ITGA1: variants seen among roughly 807,000 people sequenced by gnomAD.
ITGA1 encodes integrin subunit alpha 1, also known as integrin alpha-1.
A neutral mutation model predicts 145.9 loss-of-function variants in ITGA1; 85 were observed. The observed-to-expected ratio is 0.58, with a 90% CI of 0.49 to 0.70. ITGA1 has a LOEUF of 0.70. Among genes scored for constraint, ITGA1 ranks in the 30% least tolerant of loss-of-function variants. The pLI is 0.00. For missense variants in ITGA1, 1,351 were observed against 1,418.7 expected (o/e 0.95, Z 0.77); for synonymous variants, 520 against 495.3 (o/e 1.05, Z -0.66).
At chr5:52,932,829 T>C (rs2111890023) in intron 22 of ITGA1, 1 of 152,256 alleles carries the variant, frequency 6.6e-6, no homozygotes, top group East Asian at 1.9e-4. Context: ...GCCTTTGTGT[T>C]CTGTCTTATG....
rs894222716 is a variant in ITGA1 at position 52,845,353 on chromosome 5, G to A, written c.62-4012G>A. Among the ~76,000 whole-genome samples the A allele has an allele frequency of 8.5e-5, 13 of 152,178 alleles. 1 individual carries two copies. The highest frequency in any genetic ancestry group is 3.4e-3 in the Middle Eastern group (1 of 294). On this transcript the variant is annotated intron_variant, in intron 1 of 28. Coordinates refer to ENST00000282588, the MANE Select transcript of ITGA1 (RefSeq NM_181501.2). ...CTTCCATTACCTGTATTGACATTATGAAAAAGAAATACCACGTTACAGAGC... is the reference window on the plus strand; with the variant it reads ...CTTCCATTACCTGTATTGACATTATAAAAAAGAAATACCACGTTACAGAGC...
chr5:52,814,215 C>A (rs6879140), intron 1 of ITGA1, among the ~76,000 whole-genome samples: 46,999 of 152,096 alleles, frequency 0.31, 8,335 homozygotes, highest in East Asian at 0.47. Context: ...GGCGCGATCT[C>A]AGCTCACTGC....
intron 6 of ITGA1, among the ~76,000 whole-genome samples, chr5:52,872,375 C>T (rs192097532): frequency 2.0e-5 from 3 of 152,122 alleles, no homozygotes; most frequent in African/African-American, 7.2e-5. Context: ...TTCTCCCACC[C>T]CTCCAGCCAT....
At position 52,918,762 on chromosome 5, in the gene ITGA1, C is replaced by T; in HGVS notation, c.2019C>T (p.Thr673=). Reference sequence around the variant, plus strand: ...GAGATGTGGCCGTAGTTAAAGTGACCATGAATTTTGAGCCAAATAAAGTGA... The same window carrying T: ...GAGATGTGGCCGTAGTTAAAGTGACTATGAATTTTGAGCCAAATAAAGTGA... ...WSRDVAVVKV[T]MNFEPNKVNI... The change falls in exon 16 of 29, where the codon ACC becomes ACT. Residue 673 remains threonine (T), a synonymous_variant. Coordinates refer to ENST00000282588, the MANE Select transcript of ITGA1 (RefSeq NM_181501.2). 6.2e-7 allele frequency: 1 copy of T among 1,610,692 alleles called. No homozygotes were observed.
At chr5:52,951,915 G>A (rs187209697) in intron 28 of ITGA1, among the ~76,000 whole-genome samples, 6 of 152,232 alleles carry the variant, frequency 3.9e-5, no homozygotes, top group Admixed American at 6.5e-5. Context: ...ACCGCGGCCC[G>A]GCGCGATGGC....
At chr5:52,900,209 T>C (rs1750293229) in intron 11 of ITGA1, among the ~76,000 whole-genome samples, 1 of 152,220 alleles carries the variant, frequency 6.6e-6, no homozygotes, top group Non-Finnish European at 1.5e-5. Context: ...CCTAAGGTTC[T>C]ATGAGACTGT....
intron 3 of ITGA1, 68 bp downstream of exon 3, chr5:52,861,627 T>G (rs2111771730): frequency 4.4e-6 from 4 of 916,110 alleles, no homozygotes; most frequent in Non-Finnish European, 3.6e-6. Context: ...TCCCCACACT[T>G]TAAGAGGTCA....
In ITGA1 at chr5:52,887,802, G is replaced by T; in HGVS notation, c.774-13G>T. ...TGTCTTATCAACCTCTCTTTTGTTT[G>T]TGATTACTTTAGAAAGGAGGCATTC... On this transcript the variant is annotated splice_polypyrimidine_tract_variant and intron_variant, in intron 7 of 28. Transcript: ENST00000282588. 6.2e-7 allele frequency: 1 copy of T among 1,604,544 alleles called. No homozygotes were observed. The highest frequency in any genetic ancestry group is 1.3e-5 in the African/African-American group (1 of 74,600).
At chr5:52,901,293 G>A (rs1038980398) in intron 11 of ITGA1, among the ~76,000 whole-genome samples, 3 of 152,142 alleles carry the variant, frequency 2.0e-5, no homozygotes, top group African/African-American at 4.8e-5. Context: ...ATAGGCTCCC[G>A]AAAGGAACAC....
At chr5:52,912,947 C>A (rs1750590152) in intron 14 of ITGA1, among the ~76,000 whole-genome samples, 1 of 151,856 alleles carries the variant, frequency 6.6e-6, no homozygotes. Context: ...GGGGTTTCAC[C>A]GTGTTAGCCA....
Position 52,947,464 on chromosome 5 carries a change from A to G in ITGA1, c.3495+3A>G, listed in dbSNP as rs1191051483. The G allele has an allele frequency of 3.2e-6, 5 of 1,577,964 alleles. No homozygotes were observed. The highest frequency in any genetic ancestry group is 4.4e-6 in the Non-Finnish European group (5 of 1,147,356). ...TGCTCATTTTAGCACTGTGGAAGGT[A>G]AACACCAAAATTCCTTTGACTCTCT... On this transcript the variant is annotated splice_donor_region_variant and intron_variant, in intron 28 of 28. Coordinates refer to ENST00000282588, the MANE Select transcript of ITGA1 (RefSeq NM_181501.2).
At chr5:52,865,313 G>C (rs1371810402) in intron 5 of ITGA1, among the ~76,000 whole-genome samples, 2 of 152,128 alleles carry the variant, frequency 1.3e-5, no homozygotes, top group Non-Finnish European at 2.9e-5. Context: ...CATAGATAAA[G>C]CTGTCATGCT....
At chr5:52,837,733 G>A (rs193120989) in intron 1 of ITGA1, among the ~76,000 whole-genome samples, 1 of 151,862 alleles carries the variant, frequency 6.6e-6, no homozygotes, top group Non-Finnish European at 1.5e-5. Context: ...TGTAAAAGAT[G>A]ATGCTACTAG....
In ITGA1 at chr5:52,920,377, G is replaced by A. The variant is rs140779034; in HGVS notation, c.2201G>A (p.Arg734Gln). The A allele has an allele frequency of 1.5e-5, 24 of 1,611,124 alleles. No homozygotes were observed. Among genetic ancestry groups the A allele is most frequent in the Non-Finnish European group, 1.9e-5 (22 of 1,178,752 alleles). ...VTLDSLRQISRSFFSGTQERK... is the reference protein window; with the variant it reads ...VTLDSLRQISQSFFSGTQERK... Reference sequence around the variant, plus strand: ...CTAGATTCACTAAGACAAATATCACGAAGTTTTTTCTCTGGAACTCAAGAG... The same window carrying A: ...CTAGATTCACTAAGACAAATATCACAAAGTTTTTTCTCTGGAACTCAAGAG... The change falls in exon 17 of 29, where the codon CGA becomes CAA. Residue 734 changes from arginine (R) to glutamine (Q), a missense_variant. Coordinates refer to ENST00000282588, the MANE Select transcript of ITGA1 (RefSeq NM_181501.2).
chr5:52,939,794 A>G, intron 25 of ITGA1, 46 bp from the exon 26 acceptor site: 2 of 1,452,042 alleles, frequency 1.4e-6, no homozygotes, highest in Non-Finnish European at 1.9e-6. Flanking sequence ...TAGATATTTG[A>G]TAAAACGGCA....
At chr5:52,920,987 GT>G (rs70974477) in intron 17 of ITGA1, among the ~76,000 whole-genome samples, 45,034 of 148,936 alleles carry the variant, frequency 0.3, 6,967 homozygotes, top group South Asian at 0.41. Context: ...TGCTACTTCA[GT>G]TTTTTTTTTT....
chr5:52,815,138 T>A (rs1275830265), intron 1 of ITGA1, among the ~76,000 whole-genome samples: 1 of 152,202 alleles, frequency 6.6e-6, no homozygotes, highest in Non-Finnish European at 1.5e-5. Flanking sequence ...CCAGATTTCC[T>A]GCTGGGCACC....
intron 6 of ITGA1, among the ~76,000 whole-genome samples, chr5:52,868,400 G>T (rs1749723481): frequency 6.6e-6 from 1 of 152,128 alleles, no homozygotes; most frequent in Non-Finnish European, 1.5e-5. Flanking sequence ...ATTTTGTAAA[G>T]AAATAAATAA....
chr5:52,790,372 T>C (rs1436016771), intron 1 of ITGA1, among the ~76,000 whole-genome samples: 1 of 152,256 alleles, frequency 6.6e-6, no homozygotes, highest in Non-Finnish European at 1.5e-5. Context: ...TTATTGCTGT[T>C]GTAACAACTT....
Sources: gnomAD v4.1 joint callset for allele counts (sites outside exome capture counted in the v4.1 genomes callset) on GRCh38, gnomAD v4.1.1 for gene constraint, MANE v1.5 for transcripts, NCBI Gene and HGNC (gene_info 2026-07-23, HGNC 2026-07-21) for gene names.